Variants in MEGF8 observed in about 807,000 individuals in gnomAD.
MEGF8 encodes multiple EGF like domains 8, also known as multiple epidermal growth factor-like domains protein 8.
A neutral mutation model predicts 302.9 loss-of-function variants in MEGF8; 156 were observed. That is an observed-to-expected ratio of 0.52 (90% CI 0.45 to 0.59). MEGF8 has a LOEUF of 0.59. MEGF8 is among the 20% of genes least tolerant of loss of function. MEGF8 has a pLI of 0.00. For synonymous variants in MEGF8, 1,621 were observed against 1,660.5 expected (o/e 0.98, Z 0.58); for missense variants, 3,345 against 3,964.5 (o/e 0.84, Z 4.20).
Position 42,337,066 on chromosome 19 carries a change from C to T in MEGF8, c.1391-18C>T. 1 of 1,613,686 alleles carries T rather than the reference C, an allele frequency of 6.2e-7. No homozygotes were observed. Among genetic ancestry groups the T allele is most frequent in the Non-Finnish European group, 8.5e-7 (1 of 1,179,748 alleles). On this transcript the variant is annotated intron_variant, in intron 7 of 41. Transcript: ENST00000251268. ...CTCCCCTAGGCTTGCCAGCTATGCC[C>T]CTTTCCTCCATTCCCAGGGGGCAAT...
chr19:42,360,150 C>CA (rs111805163), intron 31 of MEGF8, among the ~76,000 whole-genome samples: 5,157 of 88,776 alleles, frequency 0.058, 270 homozygotes, highest in African/African-American at 0.17. Context: ...GACTCTTTCT[C>CA]AAAAAAAAAA....
chr19:42,377,807 A>G lies in MEGF8; in HGVS notation c.*1032A>G, dbSNP rs1464376740. 1 of 151,962 alleles carries G rather than the reference A, an allele frequency of 6.6e-6. No homozygotes were observed. The highest frequency in any genetic ancestry group is 1.5e-5 in the Non-Finnish European group (1 of 68,090). The allele number at this position is 151,962 out of a possible 1,614,324, so 9.4% of individuals were successfully genotyped here. A position where few individuals can be genotyped will look rare whatever the true frequency, so the allele number is the denominator to read the frequency against. ...ACCTCAAAAAAAAAAAAAAAATTTA[A>G]GAGGTCACTCAGTTGTGCTGTGGAG... On this transcript the variant is annotated 3_prime_UTR_variant, in exon 42 of 42. Transcript: ENST00000251268.
chr19:42,348,536 A>T, intron 13 of MEGF8, 64 bp downstream of exon 13: 1 of 1,396,564 alleles, frequency 7.2e-7, no homozygotes, highest in Non-Finnish European at 9.5e-7. Flanking sequence ...GGTGTGGTAT[A>T]GAGCATCTGT....
Position 42,356,087 on chromosome 19 carries a change from TG to T in MEGF8, c.4400del (p.Gly1467ValfsTer78). On this transcript the variant is annotated frameshift_variant, in exon 25 of 42. Transcript: ENST00000251268. LOFTEE classifies it high-confidence loss of function. The surrounding 1 kb of genome is among the most constrained non-coding windows in gnomAD (Gnocchi z 5.2). Reference protein sequence around the residue: ...HTGAGTCNQSLGVCICAEGFG... With the variant: ...HTGAGTCNQSXGVCICAEGFG... Reference sequence around the variant, plus strand: ...GAGTCCCTTGTCATCCCCCAGAGCCTGGGTGTGTGCATCTGTGCCGAGGGCT... The same window carrying T: ...GAGTCCCTTGTCATCCCCCAGAGCCTGGTGTGTGCATCTGTGCCGAGGGCT... 1 of 1,588,912 alleles carries T rather than the reference TG, an allele frequency of 6.3e-7. No individual in the cohort carries two copies. Among genetic ancestry groups the T allele is most frequent in the South Asian group, 1.1e-5 (1 of 87,258 alleles).
chr19:42,354,776 C>G lies in MEGF8; in HGVS notation c.4144+56C>G. 6.5e-7 allele frequency: 1 copy of G among 1,530,630 alleles called. No homozygotes were observed. Among genetic ancestry groups the G allele is most frequent in the Non-Finnish European group, 8.8e-7 (1 of 1,139,342 alleles). The allele number at this position is 1,530,630 out of a possible 1,614,324, so 94.8% of individuals were successfully genotyped here. A position where few individuals can be genotyped will look rare whatever the true frequency, so the allele number is the denominator to read the frequency against. On this transcript the variant is annotated intron_variant, in intron 23 of 41. Transcript: ENST00000251268. This position sits in a 1 kb window ranked among gnomAD's most constrained non-coding sequence, Gnocchi z 4.3. ...AGTCCTGGGCTATGTATCCCTTGCC[C>G]CTGAACTCACCACCTGAAGTGGGCT...
In MEGF8 at chr19:42,357,381, G is replaced by A; in HGVS notation, c.4831-23G>A. 6.2e-7 allele frequency: 1 copy of A among 1,609,338 alleles called. No individual in the cohort carries two copies. Among genetic ancestry groups the A allele is most frequent in the Non-Finnish European group, 8.5e-7 (1 of 1,177,010 alleles). On this transcript the variant is annotated intron_variant, in intron 27 of 41. Transcript: ENST00000251268. This position sits in a 1 kb window ranked among gnomAD's most constrained non-coding sequence, Gnocchi z 5.2. ...ACCCCTGACCTCTAGCCCCATCGGT[G>A]ACCTTGCCCCTCCATCCCTCAGGCC...
In MEGF8 at chr19:42,357,512, C is replaced by T. The variant is rs770062059; in HGVS notation, c.4939C>T (p.Gln1647Ter). 1 of 1,613,728 alleles carries T rather than the reference C, an allele frequency of 6.2e-7. No homozygotes were observed. Among genetic ancestry groups the T allele is most frequent in the Non-Finnish European group, 8.5e-7 (1 of 1,179,808 alleles). Residue 1647 changes from glutamine (Q) to a stop codon, truncating the protein, a stop_gained, in exon 28 of 42, where the codon CAG becomes TAG. Coordinates refer to ENST00000251268, the MANE Select transcript of MEGF8 (RefSeq NM_001271938.2). LOFTEE classifies it high-confidence loss of function. The surrounding 1 kb of genome is among the most constrained non-coding windows in gnomAD (Gnocchi z 5.2). ...GGYSPENGFN[Q>*]QLLEYQLATG... is the part of the protein sequence containing the mutation. ...TTACTCCCCGGAAAATGGCTTCAAC[C>T]AGCAGCTGCTGGAGTACCAGCTGGC...
rs1207175978 is a variant in MEGF8 at position 42,363,105 on chromosome 19, ACT to A, written c.6121_6122del (p.Leu2041AlafsTer33). On this transcript the variant is annotated frameshift_variant, in exon 35 of 42. Transcript: ENST00000251268. LOFTEE classifies it high-confidence loss of function. ...ACCTATGACTGGACGTGCTTCAGCC[ACT>A]CTCTGCTGAATGTGTCCCCCATGCC... is the stretch of plus-strand genomic sequence containing the variant. 1.2e-6 allele frequency: 2 copies of A among 1,612,946 alleles called. No individual in the cohort carries two copies. Among genetic ancestry groups the A allele is most frequent in the Admixed American group, 1.7e-5 (1 of 59,882 alleles).
rs2039110603 is a variant in MEGF8 at position 42,335,279 on chromosome 19, C to T, written c.740-18C>T. ...GGCAGCCTATGGCCAGGGCATGAGA[C>T]TATCCACCCCTCCACAGGCCAGGAC... On this transcript the variant is annotated intron_variant, in intron 4 of 41. Coordinates refer to ENST00000251268, the MANE Select transcript of MEGF8 (RefSeq NM_001271938.2). The T allele has an allele frequency of 1.2e-6, 2 of 1,613,840 alleles. No individual in the cohort carries two copies. Among genetic ancestry groups the T allele is most frequent in the Non-Finnish European group, 1.7e-6 (2 of 1,179,832 alleles).
chr19:42,330,427 CAG>C (rs1446926695), intron 1 of MEGF8, among the ~76,000 whole-genome samples: 3 of 152,140 alleles, frequency 2.0e-5, no homozygotes, highest in African/African-American at 4.8e-5. Flanking sequence ...ATTCCAGAAA[CAG>C]AGCTTTATAG....
rs1207407395 is a variant in MEGF8, at chr19:42,369,337, C to T, written c.6642-194C>T. ...AAAAATAAAAAAGAAAATAGGGTACCCTCAAAAGAGGAGAGAGGGTTGTGG... is the reference window on the plus strand; with the variant it reads ...AAAAATAAAAAAGAAAATAGGGTACTCTCAAAAGAGGAGAGAGGGTTGTGG... On this transcript the variant is annotated intron_variant, in intron 37 of 41. Transcript: ENST00000251268. The surrounding 1 kb of genome is among the most constrained non-coding windows in gnomAD (Gnocchi z 5.7). Among the ~76,000 whole-genome samples the T allele has an allele frequency of 6.6e-6, 1 of 152,122 alleles. No individual in the cohort carries two copies. Among genetic ancestry groups the T allele is most frequent in the Non-Finnish European group, 1.5e-5 (1 of 68,012 alleles).
rs2039638897 is a variant in MEGF8, at chr19:42,368,504, G to A, written c.6323G>A (p.Gly2108Glu). 1.2e-6 allele frequency: 2 copies of A among 1,609,910 alleles called. No individual in the cohort carries two copies. The highest frequency in any genetic ancestry group is 1.7e-6 in the Non-Finnish European group (2 of 1,178,780). Residue 2108 changes from glycine to glutamate, a missense_variant, in exon 36 of 42, where the codon GGG becomes GAG. Transcript: ENST00000251268. This position sits in a 1 kb window ranked among gnomAD's most constrained non-coding sequence, Gnocchi z 4.9. ...CTGCGATGTATGGCCGGAGGCTGTGGGCGGCTGCTCCGGGGACCTGAGAGC... is the reference window on the plus strand; with the variant it reads ...CTGCGATGTATGGCCGGAGGCTGTGAGCGGCTGCTCCGGGGACCTGAGAGC... Reference protein sequence around the residue: ...LPLRCMAGGCGRLLRGPESCS... With the variant: ...LPLRCMAGGCERLLRGPESCS...
rs773628351 is a variant in MEGF8, at chr19:42,356,211, G to A, written c.4503+18G>A. On this transcript the variant is annotated intron_variant, in intron 25 of 41. Coordinates refer to ENST00000251268, the MANE Select transcript of MEGF8 (RefSeq NM_001271938.2). This position sits in a 1 kb window ranked among gnomAD's most constrained non-coding sequence, Gnocchi z 5.2. Reference sequence around the variant, plus strand: ...TCTCAGCCGTGAGTTGTGGGTACCCGCTGTCTAGGGATGGTTGCTCCCAGG... The same window carrying A: ...TCTCAGCCGTGAGTTGTGGGTACCCACTGTCTAGGGATGGTTGCTCCCAGG... 1.4e-5 allele frequency: 21 copies of A among 1,513,550 alleles called. No individual in the cohort carries two copies. Among genetic ancestry groups the A allele is most frequent in the Middle Eastern group, 2.0e-4 (1 of 4,932 alleles). 93.8% of individuals were successfully genotyped at this position (1,513,550 alleles called of 1,614,324 possible).
At position 42,353,177 on chromosome 19, in the gene MEGF8, CTTCT is replaced by C; in HGVS notation, c.3550+52_3550+55del. 2 of 1,466,492 alleles carry C rather than the reference CTTCT, an allele frequency of 1.4e-6. No individual in the cohort carries two copies. The highest frequency in any genetic ancestry group is 9.1e-7 in the Non-Finnish European group (1 of 1,100,342). The allele number at this position is 1,466,492 out of a possible 1,614,324, so 90.8% of individuals were successfully genotyped here. On this transcript the variant is annotated intron_variant, in intron 20 of 41. Transcript: ENST00000251268. This position sits in a 1 kb window ranked among gnomAD's most constrained non-coding sequence, Gnocchi z 6.1. ...AGCCTGGACCCAGGGAGCCTCCTCC[CTTCT>C]TGGGGCTCCAGTTTGCTCTTCTTGG...
At chr19:42,370,654 G>C in intron 39 of MEGF8, 47 bp from the exon 40 acceptor site, 1 of 1,568,390 alleles carries the variant, frequency 6.4e-7, no homozygotes, top group African/African-American at 1.4e-5. Flanking sequence ...AGGGAGGAGG[G>C]GGTTGGTCCA....
rs750048280 is a variant in MEGF8 at position 42,355,879 on chromosome 19, G to A, written c.4266G>A (p.Val1422=). Residue 1422 remains valine (V), a synonymous_variant, in exon 24 of 42, where the codon GTG becomes GTA. Coordinates refer to ENST00000251268, the MANE Select transcript of MEGF8 (RefSeq NM_001271938.2). ...PGSCPVPQEC[V]PQDGAAGAGL... ...GCTGTCCCGTCCCCCAGGAATGCGT[G>A]CCCCAGGACGGTGCTGCAGGTGCGG... 1 of 1,576,542 alleles carries A rather than the reference G, an allele frequency of 6.3e-7. No homozygotes were observed. The highest frequency in any genetic ancestry group is 1.4e-5 in the African/African-American group (1 of 74,048).
At position 42,358,269 on chromosome 19, in the gene MEGF8, C is replaced by T. The variant is rs1289388024; in HGVS notation, c.5137C>T (p.Arg1713Cys). Residue 1713 changes from arginine to cysteine, a missense_variant, in exon 29 of 42, where the codon CGC (arginine) becomes TGC (cysteine). Physicochemically the swap from Arg to Cys is radical, Grantham distance 180 (BLOSUM62 -3). Transcript: ENST00000251268. The surrounding 1 kb of genome is among the most constrained non-coding windows in gnomAD (Gnocchi z 4.4). ...PELYSLHCPDRTWSLLAPSQG... is the reference protein window; with the variant it reads ...PELYSLHCPDCTWSLLAPSQG... ...GCTCTACTCCCTGCACTGTCCTGAC[C>T]GCACCTGGAGTCTGCTGGCCCCTTC... 9.3e-6 allele frequency: 15 copies of T among 1,605,602 alleles called. No homozygotes were observed. Among genetic ancestry groups the T allele is most frequent in the East Asian group, 2.2e-5 (1 of 44,484 alleles).
rs1474639428 is a variant in MEGF8, at chr19:42,370,224, G to A, written c.6870G>A (p.Val2290=). ...GTGAGCAGTGCCTCCCGCTGTTTGTGGGTTCAGCTGTCGGAGGCGGGACCT... is the reference window on the plus strand; with the variant it reads ...GTGAGCAGTGCCTCCCGCTGTTTGTAGGTTCAGCTGTCGGAGGCGGGACCT... The part of the protein sequence containing the change: ...SHCEQCLPLF[V]GSAVGGGTCR... The change falls in exon 39 of 42, where the codon GTG becomes GTA. Residue 2290 remains valine, a synonymous_variant. Coordinates refer to ENST00000251268, the MANE Select transcript of MEGF8 (RefSeq NM_001271938.2). 1 of 1,613,610 alleles carries A rather than the reference G, an allele frequency of 6.2e-7. No individual in the cohort carries two copies. The highest frequency in any genetic ancestry group is 1.3e-5 in the African/African-American group (1 of 74,910).
At chr19:42,340,027 C>T (rs1305244970) in intron 8 of MEGF8, among the ~76,000 whole-genome samples, 1 of 152,094 alleles carries the variant, frequency 6.6e-6, no homozygotes, top group African/African-American at 2.4e-5. Context: ...CACTGCACTC[C>T]CACCTGGGCA....
Sources: allele counts gnomAD v4.1 joint callset (sites outside exome capture counted in the v4.1 genomes callset), GRCh38; gene constraint gnomAD v4.1.1; non-coding constraint Gnocchi (gnomAD v3.1); transcripts MANE v1.5; gene names NCBI Gene and HGNC (gene_info 2026-07-23, HGNC 2026-07-21).